CSNK1G1: variants seen among roughly 807,000 people sequenced by gnomAD.
The protein encoded by CSNK1G1 is casein kinase I isoform gamma-1.
CSNK1G1 carries 22 observed loss-of-function variants against 59.6 expected under a neutral mutation model. That is an observed-to-expected ratio of 0.37 (90% CI 0.26 to 0.53). CSNK1G1 has a LOEUF of 0.53. Among genes scored for constraint, CSNK1G1 ranks in the 20% least tolerant of loss-of-function variants. The pLI, the probability that CSNK1G1 is intolerant of heterozygous loss-of-function variation, is 0.89. For missense variants in CSNK1G1, 384 were observed against 519.5 expected (o/e 0.74, Z 2.54); for synonymous variants, 179 against 177.1 (o/e 1.01, Z -0.08).
At chr15:64,230,490 G>A (rs893198535) in intron 4 of CSNK1G1, among the ~76,000 whole-genome samples, 8 of 152,186 alleles carry the variant, frequency 5.3e-5, no homozygotes, top group East Asian at 1.9e-4. Flanking sequence ...TTGAGACAGG[G>A]TCCCACTAGG....
intron 4 of CSNK1G1, among the ~76,000 whole-genome samples, chr15:64,236,637 T>C (rs1017705721): frequency 1.3e-5 from 2 of 152,112 alleles, no homozygotes; most frequent in African/African-American, 4.8e-5. Context: ...ATTAAGAAAA[T>C]AACAGATGTT....
chr15:64,318,483 C>T (rs894225929), intron 1 of CSNK1G1, among the ~76,000 whole-genome samples: 1 of 151,976 alleles, frequency 6.6e-6, no homozygotes, highest in African/African-American at 2.4e-5. Flanking sequence ...TTCATTATAT[C>T]ATATTATTTT....
intron 4 of CSNK1G1, among the ~76,000 whole-genome samples, chr15:64,245,086 C>CAA (rs144140188): frequency 9.4e-5 from 14 of 149,526 alleles, no homozygotes; most frequent in Non-Finnish European, 1.8e-4. Context: ...TCTAACTATA[C>CAA]AAAAAAAAAC....
chr15:64,303,276 T>C (rs903198724), intron 1 of CSNK1G1, among the ~76,000 whole-genome samples: 1 of 129,652 alleles, frequency 7.7e-6, no homozygotes, highest in Non-Finnish European at 1.6e-5. Context: ...AAAAATTAAA[T>C]TTAAAAATAT....
At chr15:64,318,535 T>C (rs1226737686) in intron 1 of CSNK1G1, among the ~76,000 whole-genome samples, 1 of 151,940 alleles carries the variant, frequency 6.6e-6, no homozygotes, top group Non-Finnish European at 1.5e-5. Context: ...TATAAACTTG[T>C]ATTTCTTTCT....
chr15:64,222,437 C>CAACAA (rs2082402048), intron 4 of CSNK1G1, among the ~76,000 whole-genome samples: 1 of 69,004 alleles, frequency 1.4e-5, no homozygotes, highest in Non-Finnish European at 2.7e-5. Flanking sequence ...ACAACACCAC[C>CAACAA]AAAAAAAAAA....
chr15:64,350,425 C>G (rs549891525), intron 1 of CSNK1G1, among the ~76,000 whole-genome samples: 1 of 151,660 alleles, frequency 6.6e-6, no homozygotes, highest in Non-Finnish European at 1.5e-5. Flanking sequence ...GGCGTGAACC[C>G]GGGAGATGGA....
chr15:64,178,561 A>G (rs186297017), intron 11 of CSNK1G1, among the ~76,000 whole-genome samples: 2 of 148,974 alleles, frequency 1.3e-5, no homozygotes, highest in African/African-American at 5.0e-5. Flanking sequence ...GACTCACCAC[A>G]ACCCCTGCCT....
At position 64,180,339 on chromosome 15, in the gene CSNK1G1, T is replaced by C. The variant is rs771738943; in HGVS notation, c.1214+9A>G. On this transcript the variant is annotated intron_variant, in intron 11 of 11. Transcript: ENST00000303052. ...ATGACTTAAGAGCCCCCTTGAAAGA[T>C]GTACGTACTTAGCTTCCTCCACTAC... 32 of 1,606,658 alleles carry C rather than the reference T, an allele frequency of 2.0e-5. No homozygotes were observed. Among genetic ancestry groups the C allele is most frequent in the Middle Eastern group, 1.6e-4 (1 of 6,076 alleles).
chr15:64,313,466 T>C (rs1896100206), intron 1 of CSNK1G1, among the ~76,000 whole-genome samples: 1 of 152,162 alleles, frequency 6.6e-6, no homozygotes, highest in South Asian at 2.1e-4. Context: ...TGGATGAAGC[T>C]GGAAACCATC....
intron 6 of CSNK1G1, among the ~76,000 whole-genome samples, chr15:64,212,108 T>C (rs2082256340): frequency 6.6e-6 from 1 of 152,228 alleles, no homozygotes; most frequent in South Asian, 2.1e-4. Context: ...CCTCAAAATA[T>C]CCCTGTGAAG....
rs2081664412 is a variant in CSNK1G1 at position 64,171,527 on chromosome 15, A to G, written c.*404T>C. On this transcript the variant is annotated 3_prime_UTR_variant, in exon 12 of 12. Transcript: ENST00000303052. This position sits in a 1 kb window ranked among gnomAD's most constrained non-coding sequence, Gnocchi z 4.8. ...GCCTCTTGATCTCCTTCTGCAGACA[A>G]AGCCTTTAGCTCACTAGGTTTTATG... 1.1e-5 allele frequency: 2 copies of G among 180,936 alleles called. No individual in the cohort carries two copies. The highest frequency in any genetic ancestry group is 4.7e-5 in the African/African-American group (2 of 42,124). The allele number at this position is 180,936 out of a possible 1,614,324, so 11.2% of individuals were successfully genotyped here.
chr15:64,202,120 A>G (rs76910754), intron 10 of CSNK1G1, among the ~76,000 whole-genome samples: 1 of 152,248 alleles, frequency 6.6e-6, no homozygotes, highest in East Asian at 1.9e-4. Flanking sequence ...TAGTTTTCCA[A>G]ACAACGAACA....
chr15:64,198,680 G>A (rs2082067326), intron 10 of CSNK1G1, among the ~76,000 whole-genome samples: 2 of 149,160 alleles, frequency 1.3e-5, no homozygotes, highest in South Asian at 2.1e-4. Flanking sequence ...AAATCATCTT[G>A]TTTTCAATTC....
chr15:64,173,871 C>T (rs1173982728), intron 11 of CSNK1G1, among the ~76,000 whole-genome samples: 1 of 152,026 alleles, frequency 6.6e-6, no homozygotes, highest in African/African-American at 2.4e-5. Flanking sequence ...GCCTCGGCCT[C>T]CCAAAGTGCT....
At chr15:64,289,695 T>C (rs530419030) in intron 2 of CSNK1G1, among the ~76,000 whole-genome samples, 10 of 152,180 alleles carry the variant, frequency 6.6e-5, no homozygotes, top group African/African-American at 2.4e-4. Context: ...GAAACTAATA[T>C]CCAATTACAA....
intron 1 of CSNK1G1, among the ~76,000 whole-genome samples, chr15:64,348,929 C>T (rs1326125938): frequency 6.6e-6 from 1 of 151,930 alleles, no homozygotes; most frequent in Non-Finnish European, 1.5e-5. Flanking sequence ...GTCAGGAGTT[C>T]GAGACCAGCC....
chr15:64,283,942 G>GT (rs564394393), intron 2 of CSNK1G1, among the ~76,000 whole-genome samples: 6 of 151,758 alleles, frequency 4.0e-5, no homozygotes, highest in African/African-American at 7.2e-5. Flanking sequence ...CCTTATGTTT[G>GT]TTTTTTTTAA....
At chr15:64,192,840 TAAAAAAAAAAAA>T (rs66643774) in intron 10 of CSNK1G1, among the ~76,000 whole-genome samples, 1 of 32,206 alleles carries the variant, frequency 3.1e-5, no homozygotes, top group Admixed American at 5.5e-4. Context: ...GAGATCTGCC[TAAAAAAAAAAAA>T]AAAAAAAAAA....
Sources: allele counts gnomAD v4.1 joint callset (sites outside exome capture counted in the v4.1 genomes callset), GRCh38; gene constraint gnomAD v4.1.1; non-coding constraint Gnocchi (gnomAD v3.1); transcripts MANE v1.5; gene names NCBI Gene and HGNC (gene_info 2026-07-23, HGNC 2026-07-21).